C8orf34: variants seen among roughly 807,000 people sequenced by gnomAD.
The protein encoded by C8orf34 is uncharacterized protein C8orf34.
Under a neutral mutation model 68.3 loss-of-function variants are expected in C8orf34, and 65 were observed. The ratio of observed to expected loss-of-function variants is 0.95; its 90% CI spans 0.78 to 1.17. The LOEUF is 1.17. Ranked by LOEUF, C8orf34 falls within the 50% of genes most tolerant of loss-of-function variation. C8orf34 has a pLI of 0.00. For missense variants in C8orf34, 664 were observed against 655.4 expected, an observed-to-expected ratio of 1.01 and a Z score of -0.14; for synonymous variants, 244 against 241.2, an observed-to-expected ratio of 1.01 and a Z score of -0.11.
chr8:68,625,502 T>C (rs144729030), intron 7 of C8orf34: 6,825 of 597,770 alleles, frequency 0.011, 108 homozygotes, highest in Admixed American at 0.049. Context: ...AAAATTCCAC[T>C]TGGGGTGGCG....
intron 8 of C8orf34, among the ~76,000 whole-genome samples, chr8:68,702,885 G>A (rs1054210801): frequency 3.3e-5 from 5 of 152,104 alleles, no homozygotes; most frequent in African/African-American, 1.2e-4. Flanking sequence ...TTCGGCTGTT[G>A]TGAGTGTATC....
chr8:68,360,363 CTGTT>C (rs1282729440), intron 1 of C8orf34, among the ~76,000 whole-genome samples: 4 of 152,350 alleles, frequency 2.6e-5, no homozygotes, highest in East Asian at 1.9e-4. Flanking sequence ...TAATCATACA[CTGTT>C]TGGCCACTTC....
At chr8:68,379,977 C>T (rs1807962846) in intron 1 of C8orf34, among the ~76,000 whole-genome samples, 1 of 152,176 alleles carries the variant, frequency 6.6e-6, no homozygotes, top group Admixed American at 6.5e-5. Context: ...TGGAACCTCC[C>T]AAGTAGCTGG....
chr8:68,335,086 A>G (rs1805791364), intron 1 of C8orf34, among the ~76,000 whole-genome samples: 1 of 152,110 alleles, frequency 6.6e-6, no homozygotes, highest in African/African-American at 2.4e-5. Flanking sequence ...TCCCCCTCTC[A>G]TAAGGATCAC....
rs563448386 is a variant in C8orf34 at position 68,721,275 on chromosome 8, T to G, written c.1328-86T>G. 8 of 834,976 alleles carry G rather than the reference T, an allele frequency of 9.6e-6. No individual in the cohort carries two copies. In the African/African-American group the frequency reaches 1.2e-4, roughly 13 times the overall value. The allele number at this position is 834,976 out of a possible 1,614,324, so 51.7% of individuals were successfully genotyped here. ...TTTTCAACACCCAATTCCATCATTT[T>G]ATTCTTCTCACAACAGGTTTATATA... On this transcript the variant is annotated intron_variant, in intron 9 of 13. Transcript: ENST00000518698.
intron 12 of C8orf34, among the ~76,000 whole-genome samples, chr8:68,796,572 G>A (rs1180796492): frequency 6.6e-6 from 1 of 152,094 alleles, no homozygotes; most frequent in Non-Finnish European, 1.5e-5. Context: ...ATAATTGTAA[G>A]ACCATATCAT....
chr8:68,555,617 G>A (rs1335482430), intron 7 of C8orf34, among the ~76,000 whole-genome samples: 1 of 151,950 alleles, frequency 6.6e-6, no homozygotes, highest in African/African-American at 2.4e-5. Flanking sequence ...GCTGATGTTG[G>A]TTTTGGTTTT....
At chr8:68,742,317 A>G (rs751429534) in intron 10 of C8orf34, among the ~76,000 whole-genome samples, 1 of 152,132 alleles carries the variant, frequency 6.6e-6, no homozygotes, top group Non-Finnish European at 1.5e-5. Context: ...TATTCTCCCT[A>G]CCAATTATTC....
At chr8:68,345,882 G>A (rs1308081088) in intron 1 of C8orf34, among the ~76,000 whole-genome samples, 1 of 151,814 alleles carries the variant, frequency 6.6e-6, no homozygotes, top group East Asian at 1.9e-4. Context: ...CATGATTTAA[G>A]CCACAAAGAA....
chr8:68,520,752 C>G (rs1256314077), intron 5 of C8orf34, among the ~76,000 whole-genome samples: 1 of 152,092 alleles, frequency 6.6e-6, no homozygotes, highest in South Asian at 2.1e-4. Flanking sequence ...CGTGAGCCAC[C>G]GCGCCCAGCC....
At chr8:68,756,187 G>GA (rs1342381012) in intron 10 of C8orf34, among the ~76,000 whole-genome samples, 1 of 152,100 alleles carries the variant, frequency 6.6e-6, no homozygotes, top group Non-Finnish European at 1.5e-5. Context: ...CCCCTGTGCT[G>GA]AATACAGTAC....
At chr8:68,566,191 A>T (rs560454990) in intron 7 of C8orf34, among the ~76,000 whole-genome samples, 3 of 152,168 alleles carry the variant, frequency 2.0e-5, no homozygotes, top group Non-Finnish European at 4.4e-5. Flanking sequence ...TTGGGGGTAC[A>T]TGTGAAGGTT....
intron 8 of C8orf34, among the ~76,000 whole-genome samples, chr8:68,705,479 G>T (rs143515612): frequency 7.2e-4 from 109 of 152,238 alleles, no homozygotes; most frequent in African/African-American, 2.6e-3. Context: ...TTAACGCAAG[G>T]TCAAATAAAG....
chr8:68,744,065 G>A (rs1483788802), intron 10 of C8orf34, among the ~76,000 whole-genome samples: 1 of 152,138 alleles, frequency 6.6e-6, no homozygotes, highest in African/African-American at 2.4e-5. Context: ...TCCTCAAGTG[G>A]GTCCCTGACC....
intron 1 of C8orf34, among the ~76,000 whole-genome samples, chr8:68,416,302 CA>C (rs1483058640): frequency 1.3e-5 from 2 of 152,104 alleles, no homozygotes; most frequent in Non-Finnish European, 2.9e-5. Flanking sequence ...TAGGACTCAT[CA>C]TTTATCAATA....
intron 10 of C8orf34, among the ~76,000 whole-genome samples, chr8:68,767,660 G>T (rs1823219851): frequency 6.6e-6 from 1 of 152,002 alleles, no homozygotes; most frequent in Non-Finnish European, 1.5e-5. Context: ...CATAGAAATG[G>T]GATCTCACTG....
intron 4 of C8orf34, among the ~76,000 whole-genome samples, chr8:68,485,816 A>C (rs910564412): frequency 1.3e-5 from 2 of 151,794 alleles, no homozygotes; most frequent in African/African-American, 4.8e-5. Flanking sequence ...TGGATTATTT[A>C]ATTTCAGATA....
chr8:68,626,950 T>A (rs977033398), intron 7 of C8orf34, among the ~76,000 whole-genome samples: 1 of 151,964 alleles, frequency 6.6e-6, no homozygotes, highest in African/African-American at 2.4e-5. Flanking sequence ...AAATATTAAA[T>A]ATATAAGATT....
intron 1 of C8orf34, among the ~76,000 whole-genome samples, chr8:68,361,392 T>A (rs1462033339): frequency 6.6e-6 from 1 of 152,052 alleles, no homozygotes; most frequent in East Asian, 1.9e-4. Flanking sequence ...AGGAGGCAGC[T>A]TTTGTGGGAG....
Sources: allele counts gnomAD v4.1 joint callset (sites outside exome capture counted in the v4.1 genomes callset), GRCh38; gene constraint gnomAD v4.1.1; transcripts MANE v1.5; gene names NCBI Gene and HGNC (gene_info 2026-07-23, HGNC 2026-07-21).